The following CCDC169 variants were observed in gnomAD, a reference collection of about 807,000 sequenced individuals.
The protein encoded by CCDC169 is coiled-coil domain-containing protein 169.
CCDC169 carries 30 observed loss-of-function variants against 36.0 expected under a neutral mutation model. The observed-to-expected ratio is 0.83, with a 90% CI of 0.62 to 1.13. The LOEUF (loss-of-function observed/expected upper bound fraction) is 1.13. Among genes scored for constraint, CCDC169 ranks in the 50% most tolerant of loss-of-function variants. The pLI, the probability that CCDC169 is intolerant of heterozygous loss-of-function variation, is 0.00. For synonymous variants in CCDC169, 85 were observed against 81.5 expected (o/e 1.04, Z -0.23); for missense variants, 245 against 245.9 (o/e 1.00, Z 0.03).
chr13:36,271,220 C>G (rs927807598), intron 4 of CCDC169, among the ~76,000 whole-genome samples: 4 of 152,090 alleles, frequency 2.6e-5, no homozygotes, highest in Admixed American at 2.6e-4. Flanking sequence ...TGCTACCTTA[C>G]TTCTGCAAGA....
intron 7 of CCDC169, among the ~76,000 whole-genome samples, chr13:36,235,408 G>T (rs1401911606): frequency 1.3e-5 from 2 of 151,786 alleles, no homozygotes; most frequent in South Asian, 2.1e-4. Flanking sequence ...TAAGGTAAAA[G>T]ATTTGATTTT....
At chr13:36,225,114 A>G (rs1869794309), downstream of CCDC169, 3 of 152,150 alleles carry the variant, frequency 2.0e-5, no homozygotes, top group Admixed American at 2.0e-4. Flanking sequence ...CTGGACCCCT[A>G]CCTTTCACCA....
At chr13:36,228,552 A>G (rs1870087601), downstream of CCDC169, among the ~76,000 whole-genome samples, 1 of 152,014 alleles carries the variant, frequency 6.6e-6, no homozygotes, top group Non-Finnish European at 1.5e-5. Context: ...TGCAACAAAT[A>G]ATTGGATTTT....
chr13:36,292,681 G>C (rs943755088), intron 2 of CCDC169, among the ~76,000 whole-genome samples: 1 of 152,204 alleles, frequency 6.6e-6, no homozygotes, highest in Admixed American at 6.5e-5. Context: ...GGCTTTTGCT[G>C]TAAATGGGGC....
At chr13:36,238,409 G>A (rs1350343839) in intron 7 of CCDC169, among the ~76,000 whole-genome samples, 2 of 152,132 alleles carry the variant, frequency 1.3e-5, no homozygotes, top group African/African-American at 4.8e-5. Context: ...TAAGGATACA[G>A]AGCTGTAGGC....
At chr13:36,258,371 G>C (rs1193195804) in intron 4 of CCDC169, among the ~76,000 whole-genome samples, 1 of 152,082 alleles carries the variant, frequency 6.6e-6, no homozygotes, top group Non-Finnish European at 1.5e-5. Flanking sequence ...AGACCCACTG[G>C]GCTGCATTCC....
At chr13:36,294,498 T>C (rs997644337) in intron 2 of CCDC169, among the ~76,000 whole-genome samples, 7 of 152,312 alleles carry the variant, frequency 4.6e-5, no homozygotes, top group South Asian at 2.1e-4. Context: ...TGGGTACTTA[T>C]AGAAAGTGGC....
chr13:36,227,237 T>C (rs1869928948), downstream of CCDC169: 4 of 1,550,608 alleles, frequency 2.6e-6, no homozygotes, highest in Non-Finnish European at 3.5e-6. Flanking sequence ...CAGCCAAGGT[T>C]GAGGACCCAT....
intron 6 of CCDC169, among the ~76,000 whole-genome samples, chr13:36,252,016 A>C (rs1051157286): frequency 1.3e-5 from 2 of 152,224 alleles, no homozygotes; most frequent in Non-Finnish European, 2.9e-5. Context: ...ATTAAGGCCC[A>C]GAAAGGTCAC....
At chr13:36,291,533 ATATT>A (rs1566092777) in intron 2 of CCDC169, among the ~76,000 whole-genome samples, 1 of 152,100 alleles carries the variant, frequency 6.6e-6, no homozygotes, top group African/African-American at 2.4e-5. Flanking sequence ...TTTTAAATAA[ATATT>A]TATTTCATGA....
chr13:36,284,112 AAT>A (rs1214110635), intron 2 of CCDC169, among the ~76,000 whole-genome samples: 1 of 151,766 alleles, frequency 6.6e-6, no homozygotes, highest in African/African-American at 2.4e-5. Context: ...CATATCCATA[AAT>A]ATATATATTT....
chr13:36,251,450 A>G (rs982276131), intron 6 of CCDC169, among the ~76,000 whole-genome samples: 8 of 152,194 alleles, frequency 5.3e-5, no homozygotes, highest in African/African-American at 1.9e-4. Context: ...TCATATGTTC[A>G]GTGATCCTGC....
intron 2 of CCDC169, among the ~76,000 whole-genome samples, chr13:36,285,166 C>T (rs1169973637): frequency 2.0e-5 from 3 of 152,136 alleles, no homozygotes; most frequent in African/African-American, 7.2e-5. Flanking sequence ...TTATTTTTGG[C>T]ACATCTGAGT....
At chr13:36,259,966 C>T (rs773447850) in intron 4 of CCDC169, among the ~76,000 whole-genome samples, 2 of 152,186 alleles carry the variant, frequency 1.3e-5, no homozygotes, top group Admixed American at 6.5e-5. Flanking sequence ...TTGTGGCCTT[C>T]GGGCATGGCC....
At chr13:36,294,440 C>G (rs1038995378) in intron 2 of CCDC169, among the ~76,000 whole-genome samples, 5 of 152,184 alleles carry the variant, frequency 3.3e-5, no homozygotes, top group African/African-American at 1.2e-4. Flanking sequence ...GAAGCTACTT[C>G]AGCCTTGGGA....
At chr13:36,241,188 G>C (rs1238975256) in intron 7 of CCDC169, among the ~76,000 whole-genome samples, 1 of 151,950 alleles carries the variant, frequency 6.6e-6, no homozygotes, top group Admixed American at 6.6e-5. Context: ...AGGAAAAATG[G>C]GTAAGTCAAT....
At position 36,285,581 on chromosome 13, in the gene CCDC169, A is replaced by G. The variant is rs1028384742; in HGVS notation, c.164-1879T>C. ...ATAAAAATTTTTCTCAAAAAAATAA[A>G]ATAAGATAGATAGATAGATAGATAG... On this transcript the variant is annotated intron_variant, in intron 2 of 7. Transcript: ENST00000239859. Among the ~76,000 whole-genome samples the G allele has an allele frequency of 1.7e-3, 252 of 144,986 alleles. 1 individual carries two copies. Among genetic ancestry groups the G allele is most frequent in the Non-Finnish European group, 2.8e-3 (185 of 66,892 alleles).
At chr13:36,277,940 G>A (rs1411651758) in intron 4 of CCDC169, among the ~76,000 whole-genome samples, 16 of 128,300 alleles carry the variant, frequency 1.2e-4, no homozygotes, top group Non-Finnish European at 2.1e-4. Flanking sequence ...GCAAGACTCC[G>A]TCTCAAAAAA....
intron 2 of CCDC169, among the ~76,000 whole-genome samples, chr13:36,290,132 C>A (rs1044562031): frequency 3.3e-5 from 5 of 152,148 alleles, no homozygotes; most frequent in African/African-American, 1.2e-4. Context: ...GTGACTCCTG[C>A]CAGTATCTGA....
Sources: allele counts gnomAD v4.1 joint callset (sites outside exome capture counted in the v4.1 genomes callset), GRCh38; gene constraint gnomAD v4.1.1; transcripts MANE v1.5; gene names NCBI Gene and HGNC (gene_info 2026-07-23, HGNC 2026-07-21).